Variants in KCNT2 observed in about 807,000 individuals in gnomAD.
The protein encoded by KCNT2 is potassium channel subfamily T member 2.
In KCNT2, 67 loss-of-function variants were observed where a neutral mutation model predicts 153.8. The observed-to-expected ratio is 0.44, with a 90% CI of 0.36 to 0.53. The LOEUF (loss-of-function observed/expected upper bound fraction) is 0.53. KCNT2 is among the 20% of genes least tolerant of loss of function. KCNT2 has a pLI of 0.00. For missense variants in KCNT2, 975 were observed against 1,354.8 expected (o/e 0.72, Z 4.40); for synonymous variants, 500 against 458.8 (o/e 1.09, Z -1.15).
At chr1:196,313,297 A>G (rs1418752145) in intron 21 of KCNT2, among the ~76,000 whole-genome samples, 2 of 151,656 alleles carry the variant, frequency 1.3e-5, no homozygotes, top group African/African-American at 2.4e-5. Context: ...AATGCTAGAA[A>G]CTGAGAATGT....
At chr1:196,366,470 T>C (rs947705512) in intron 14 of KCNT2, among the ~76,000 whole-genome samples, 12 of 152,114 alleles carry the variant, frequency 7.9e-5, no homozygotes, top group African/African-American at 2.9e-4. Context: ...TTGCTTGTCT[T>C]CTTGATGTTC....
At chr1:196,435,135 G>GTGTTTA (rs747899287) in intron 8 of KCNT2, among the ~76,000 whole-genome samples, 2 of 76,872 alleles carry the variant, frequency 2.6e-5, no homozygotes, top group Non-Finnish European at 5.2e-5. Context: ...GTGTGTGTGT[G>GTGTTTA]TATGTATATA....
intron 22 of KCNT2, among the ~76,000 whole-genome samples, chr1:196,301,813 C>G (rs1323470207): frequency 1.3e-5 from 2 of 152,150 alleles, no homozygotes; most frequent in Non-Finnish European, 2.9e-5. Flanking sequence ...AATCTTGGCT[C>G]ACTACACCTT....
At chr1:196,397,369 G>A (rs560292627) in intron 13 of KCNT2, among the ~76,000 whole-genome samples, 6 of 151,532 alleles carry the variant, frequency 4.0e-5, no homozygotes, top group South Asian at 4.2e-4. Flanking sequence ...AATGATATAC[G>A]TAACAGGTTG....
At chr1:196,409,553 AT>A (rs1341013702) in intron 12 of KCNT2, among the ~76,000 whole-genome samples, 1 of 151,622 alleles carries the variant, frequency 6.6e-6, no homozygotes, top group Non-Finnish European at 1.5e-5. Context: ...TTACCAACAT[AT>A]TTATCATTTC....
chr1:196,445,484 C>CA (rs1675610216), intron 8 of KCNT2, among the ~76,000 whole-genome samples: 1 of 151,496 alleles, frequency 6.6e-6, no homozygotes, highest in African/African-American at 2.4e-5. Flanking sequence ...TACAGCTTAA[C>CA]ATGTCTCTTC....
chr1:196,307,233 A>C (rs1661716192), intron 21 of KCNT2, among the ~76,000 whole-genome samples: 1 of 152,102 alleles, frequency 6.6e-6, no homozygotes, highest in African/African-American at 2.4e-5. Flanking sequence ...TTTCTTAGTT[A>C]AATCGGTTAT....
At chr1:196,473,453 G>A (rs1029483006) in intron 5 of KCNT2, among the ~76,000 whole-genome samples, 2 of 152,154 alleles carry the variant, frequency 1.3e-5, no homozygotes, top group Non-Finnish European at 2.9e-5. Flanking sequence ...AATAAAAACT[G>A]TTGGTACATT....
At chr1:196,583,495 A>G (rs879682659) in intron 1 of KCNT2, among the ~76,000 whole-genome samples, 4 of 152,106 alleles carry the variant, frequency 2.6e-5, no homozygotes, top group Non-Finnish European at 5.9e-5. Flanking sequence ...AATCATCAAC[A>G]TATAATTACA....
intron 13 of KCNT2, among the ~76,000 whole-genome samples, chr1:196,398,313 G>A (rs1250242756): frequency 6.6e-6 from 1 of 151,204 alleles, no homozygotes; most frequent in East Asian, 2.0e-4. Context: ...GCTTATTAAG[G>A]CATCCATTAT....
At chr1:196,559,024 T>C (rs1196931335) in intron 1 of KCNT2, among the ~76,000 whole-genome samples, 2 of 151,320 alleles carry the variant, frequency 1.3e-5, no homozygotes, top group African/African-American at 4.8e-5. Flanking sequence ...AAATTTGTTT[T>C]AAAAGGTATG....
intron 1 of KCNT2, among the ~76,000 whole-genome samples, chr1:196,507,668 A>G (rs894420971): frequency 6.6e-6 from 1 of 152,150 alleles, no homozygotes; most frequent in Non-Finnish European, 1.5e-5. Context: ...AAAATTTCTG[A>G]CATGTTCTCA....
intron 1 of KCNT2, among the ~76,000 whole-genome samples, chr1:196,600,378 G>A (rs1176674176): frequency 6.6e-6 from 1 of 152,360 alleles, no homozygotes; most frequent in Admixed American, 6.5e-5. Context: ...GATGGAGGTG[G>A]TTGGCTGCAA....
At chr1:196,561,027 A>C (rs1422493782) in intron 1 of KCNT2, among the ~76,000 whole-genome samples, 1 of 151,912 alleles carries the variant, frequency 6.6e-6, no homozygotes, top group Non-Finnish European at 1.5e-5. Context: ...GAGGGGAAAT[A>C]TGCTTAGTTT....
intron 1 of KCNT2, among the ~76,000 whole-genome samples, chr1:196,551,344 G>A (rs1657875522): frequency 6.6e-6 from 1 of 151,816 alleles, no homozygotes; most frequent in South Asian, 2.1e-4. Flanking sequence ...GGGCTAGATG[G>A]AATAGAAGAA....
intron 12 of KCNT2, among the ~76,000 whole-genome samples, chr1:196,419,455 T>C (rs1278900392): frequency 6.6e-6 from 1 of 150,834 alleles, no homozygotes; most frequent in East Asian, 2.0e-4. Flanking sequence ...GTCCTTGCGA[T>C]AGTTTGCTGA....
intron 1 of KCNT2, among the ~76,000 whole-genome samples, chr1:196,560,114 G>A (rs1311000370): frequency 4.6e-5 from 7 of 151,750 alleles, no homozygotes; most frequent in African/African-American, 1.4e-4. Flanking sequence ...TGCTTGCTTT[G>A]CATCCAGAGG....
At chr1:196,274,608 T>C (rs989364404) in intron 25 of KCNT2, among the ~76,000 whole-genome samples, 1 of 151,778 alleles carries the variant, frequency 6.6e-6, no homozygotes, top group Admixed American at 6.6e-5. Flanking sequence ...CCCATTGTAA[T>C]AGTAAAGTGT....
Position 196,389,186 on chromosome 1 carries a change from A to G in KCNT2, c.1294+9377T>C, listed in dbSNP as rs896893859. Among the ~76,000 whole-genome samples, 7 of 151,888 alleles carry G rather than the reference A, an allele frequency of 4.6e-5. 1 individual carries two copies. The highest frequency in any genetic ancestry group is 4.6e-4 in the Admixed American group (7 of 15,194). ...ACTATTGTAACCTTGGGATAAACCC[A>G]ACTAGGTAACAGTATGTTCTTTCTG... On this transcript the variant is annotated intron_variant, in intron 13 of 27. Coordinates refer to ENST00000294725, the MANE Select transcript of KCNT2 (RefSeq NM_198503.5).
Sources: gnomAD v4.1 joint callset for allele counts (sites outside exome capture counted in the v4.1 genomes callset) on GRCh38, gnomAD v4.1.1 for gene constraint, MANE v1.5 for transcripts, NCBI Gene and HGNC (gene_info 2026-07-23, HGNC 2026-07-21) for gene names.